FAT1: variants seen among roughly 807,000 people sequenced by gnomAD.
FAT1 encodes FAT atypical cadherin 1, also known as protocadherin Fat 1.
A neutral mutation model predicts 329.8 loss-of-function variants in FAT1; 171 were observed. The ratio of observed to expected loss-of-function variants is 0.52; its 90% CI spans 0.46 to 0.59. The LOEUF (loss-of-function observed/expected upper bound fraction) is 0.59, where lower values mean the gene tolerates loss of function less well. Ranked by LOEUF, FAT1 falls within the 20% of genes least tolerant of loss-of-function variation. The probability of loss-of-function intolerance (pLI) is 0.00; values close to 1 mark genes in which losing one functional copy is unlikely to be tolerated. For synonymous variants in FAT1, 2,233 were observed against 2,228.6 expected, an observed-to-expected ratio of 1.00 and a Z score of -0.06; for missense variants, 5,672 against 5,774.4, an observed-to-expected ratio of 0.98 and a Z score of 0.57.
At chr4:186,699,583 A>G (rs1744202844) in intron 2 of FAT1, among the ~76,000 whole-genome samples, 1 of 152,206 alleles carries the variant, frequency 6.6e-6, no homozygotes, top group African/African-American at 2.4e-5. Context: ...TTGAACGGCA[A>G]TCTTTCCAAG....
chr4:186,630,267 T>C (rs1740524558), intron 7 of FAT1, among the ~76,000 whole-genome samples: 1 of 152,186 alleles, frequency 6.6e-6, no homozygotes, highest in African/African-American at 2.4e-5. Context: ...CTTAAGGAGA[T>C]AATGCTTTCT....
At chr4:186,633,577 T>C (rs1161443110) in intron 7 of FAT1, 107 bp downstream of exon 7, 1 of 1,177,892 alleles carries the variant, frequency 8.5e-7, no homozygotes, top group African/African-American at 1.5e-5. Flanking sequence ...CTTCTGATTT[T>C]AGACCCTCAC....
chr4:186,688,662 C>CA (rs1407601234), intron 2 of FAT1, among the ~76,000 whole-genome samples: 16,391 of 130,504 alleles, frequency 0.13, 1,003 homozygotes, highest in African/African-American at 0.19. Context: ...CGCCCCCCCC[C>CA]AAAAAAACAC....
chr4:186,686,297 A>G (rs1355910848), intron 2 of FAT1, among the ~76,000 whole-genome samples: 2 of 143,400 alleles, frequency 1.4e-5, no homozygotes, highest in Non-Finnish European at 3.0e-5. Flanking sequence ...TTCTTCCTCC[A>G]CATTCATCAT....
chr4:186,669,054 C>T lies in FAT1; in HGVS notation c.3266-5441G>A, dbSNP rs1239603790. On this transcript the variant is annotated intron_variant, in intron 2 of 26. Coordinates refer to ENST00000441802, the MANE Select transcript of FAT1 (RefSeq NM_005245.4). ...GTATCTTTCTATTTACACATATTCA[C>T]GACCTCACCTTTTTGGGCACCTATG... is the stretch of plus-strand genomic sequence containing the variant. Among the ~76,000 whole-genome samples, 6 of 152,182 alleles carry T rather than the reference C, an allele frequency of 3.9e-5. No individual in the cohort carries two copies. The East Asian group carries it at 9.6e-4, about 24-fold the overall frequency.
intron 16 of FAT1, among the ~76,000 whole-genome samples, 168 bp downstream of exon 16, chr4:186,609,015 A>T (rs1010786953): frequency 1.3e-5 from 2 of 152,170 alleles, no homozygotes; most frequent in Non-Finnish European, 2.9e-5. Flanking sequence ...CACATTTCTC[A>T]CATTGAGATC....
At position 186,618,775 on chromosome 4, in the gene FAT1, T is replaced by G; in HGVS notation, c.7811A>C (p.Asn2604Thr). 6.2e-7 allele frequency: 1 copy of G among 1,614,048 alleles called. No individual in the cohort carries two copies. Among genetic ancestry groups the G allele is most frequent in the Non-Finnish European group, 8.5e-7 (1 of 1,179,896 alleles). ...CCCTTTAGCAGCACTGGACCCGATA[T>G]TCACTTCGTATTTGGTTGCTCGAAA... ...PQFRATKYEV[N>T]IGSSAAKGTS... The change falls in exon 10 of 27, where the codon AAT becomes ACT. Residue 2604 changes from asparagine to threonine, a missense_variant. By Grantham distance (65) the Asn-to-Thr change is moderately conservative (BLOSUM62 0). This residue lies in a region of FAT1 where 3,966 missense variants were observed against 3,915.2 expected (regional missense o/e 1.01). Coordinates refer to ENST00000441802, the MANE Select transcript of FAT1 (RefSeq NM_005245.4).
At position 186,620,194 on chromosome 4, in the gene FAT1, G is replaced by C. The variant is rs776187573; in HGVS notation, c.6392C>G (p.Pro2131Arg). Reference sequence around the variant, plus strand: ...CTTTTTCAGTGAAATTTCACCCAAGGGTCCAATTTGAAAGTGTTCATGATG... The same window carrying C: ...CTTTTTCAGTGAAATTTCACCCAAGCGTCCAATTTGAAAGTGTTCATGATG... ...KEHHEHFQIGPLGEISLKKQF... is the reference protein window; with the variant it reads ...KEHHEHFQIGRLGEISLKKQF... Residue 2131 changes from proline (P) to arginine (R), a missense_variant, in exon 10 of 27, where the codon CCC becomes CGC. By Grantham distance (103) the Pro-to-Arg change is moderately radical (BLOSUM62 -2). This residue lies in a region of FAT1 where 3,966 missense variants were observed against 3,915.2 expected (regional missense o/e 1.01). Coordinates refer to ENST00000441802, the MANE Select transcript of FAT1 (RefSeq NM_005245.4). 6.2e-7 allele frequency: 1 copy of C among 1,613,766 alleles called. No individual in the cohort carries two copies.
chr4:186,593,863 T>C (rs1411865024), intron 26 of FAT1, among the ~76,000 whole-genome samples: 1 of 152,088 alleles, frequency 6.6e-6, no homozygotes, highest in Non-Finnish European at 1.5e-5. Context: ...GCCACAAAGT[T>C]TGTGGTAATC....
rs2126392774 is a variant in FAT1, at chr4:186,596,974, A to G, written c.12566T>C (p.Val4189Ala). 6.2e-7 allele frequency: 1 copy of G among 1,614,022 alleles called. No homozygotes were observed. The highest frequency in any genetic ancestry group is 8.5e-7 in the Non-Finnish European group (1 of 1,179,882). ...LAEGIGIVVF[V>A]AGIFLLVVVF... ...CACCACCAGTAAAAATATCCCTGCA[A>G]CAAACACAACGATTCCAATTCCTTC... is the stretch of plus-strand genomic sequence containing the variant. Residue 4189 changes from valine (V) to alanine (A), a missense_variant, in exon 25 of 27, where the codon GTT (valine) becomes GCT (alanine). Transcript: ENST00000441802. This position sits in a 1 kb window ranked among gnomAD's most constrained non-coding sequence, Gnocchi z 4.7.
chr4:186,636,330 C>T, intron 5 of FAT1, 95 bp from the exon 6 acceptor site: 1 of 1,160,440 alleles, frequency 8.6e-7, no homozygotes, highest in Non-Finnish European at 1.3e-6. Context: ...TTAAACTGAG[C>T]CAATTTCAAA....
At chr4:186,616,866 C>T (rs112178484) in intron 11 of FAT1, 139 bp downstream of exon 11, 41 of 687,750 alleles carry the variant, frequency 6.0e-5, no homozygotes, top group African/African-American at 4.5e-4. Context: ...CAAGTCTTAC[C>T]CCATTTAACA....
chr4:186,588,395 C>T lies in FAT1; in HGVS notation c.*197G>A, dbSNP rs1278354928. 59 of 600,712 alleles carry T rather than the reference C, an allele frequency of 9.8e-5. No homozygotes were observed. The East Asian group carries it at 1.4e-3, about 15-fold the overall frequency. The allele number at this position is 600,712 out of a possible 1,614,324, so 37.2% of individuals were successfully genotyped here. Reference sequence around the variant, plus strand: ...TCCCAAAAGACGTTGGGAAATGGCACAGCCGATGAAAACCTCACGATGACA... The same window carrying T: ...TCCCAAAAGACGTTGGGAAATGGCATAGCCGATGAAAACCTCACGATGACA... On this transcript the variant is annotated 3_prime_UTR_variant, in exon 27 of 27. Transcript: ENST00000441802.
intron 2 of FAT1, among the ~76,000 whole-genome samples, chr4:186,700,218 T>C (rs1744238734): frequency 6.6e-6 from 1 of 152,194 alleles, no homozygotes; most frequent in African/African-American, 2.4e-5. Flanking sequence ...CTAACCACCA[T>C]CTTAAACATG....
At chr4:186,665,380 C>T (rs965466871) in intron 2 of FAT1, among the ~76,000 whole-genome samples, 1 of 152,142 alleles carries the variant, frequency 6.6e-6, no homozygotes, top group East Asian at 1.9e-4. Flanking sequence ...TTTTAATGAT[C>T]ACCATTCTAA....
In FAT1 at chr4:186,693,389, A is replaced by G. The variant is rs116619698; in HGVS notation, c.3265+13174T>C. Among the ~76,000 whole-genome samples, 8 of 104,378 alleles carry G rather than the reference A, an allele frequency of 7.7e-5. 1 individual carries two copies. Among genetic ancestry groups the G allele is most frequent in the Non-Finnish European group, 1.4e-4 (7 of 51,550 alleles). The allele number at this position is 104,378 out of a possible 152,430, so 68.5% of individuals were successfully genotyped here. ...TGGCTGGATGAACGAACTGTGTCAC[A>G]GCACGTGGGAGATGACAGTGGAGGA... is the stretch of plus-strand genomic sequence containing the variant. On this transcript the variant is annotated intron_variant, in intron 2 of 26. Transcript: ENST00000441802.
chr4:186,609,584 T>A (rs549845285), intron 15 of FAT1, among the ~76,000 whole-genome samples: 59 of 151,610 alleles, frequency 3.9e-4, no homozygotes, highest in Non-Finnish European at 6.5e-4. Context: ...GCCTGGCTAA[T>A]TTTTTTTTGT....
rs757598343 is a variant in FAT1 at position 186,620,993 on chromosome 4, C to T, written c.5593G>A (p.Val1865Ile). The T allele has an allele frequency of 6.2e-7, 1 of 1,612,998 alleles. No homozygotes were observed. The highest frequency in any genetic ancestry group is 8.5e-7 in the Non-Finnish European group (1 of 1,179,884). Residue 1865 changes from valine to isoleucine, a missense_variant, in exon 10 of 27, where the codon GTA (valine) becomes ATA (isoleucine). Physicochemically the swap from Val to Ile is conservative, Grantham distance 29. This residue lies in a region of FAT1 where 3,966 missense variants were observed against 3,915.2 expected (regional missense o/e 1.01). Coordinates refer to ENST00000441802, the MANE Select transcript of FAT1 (RefSeq NM_005245.4). ...PRLFAEYAAN[V>I]TVHVIDINDC... ...TTAATGTCAATTACATGTACTGTTA[C>T]ATTCGCTGCATACTCAGCAAATAAA...
chr4:186,670,132 C>A (rs564365768), intron 2 of FAT1, among the ~76,000 whole-genome samples: 1 of 152,250 alleles, frequency 6.6e-6, no homozygotes, highest in Non-Finnish European at 1.5e-5. Context: ...AGGTCTTGGC[C>A]CCCAATCAAG....
Sources: allele counts gnomAD v4.1 joint callset (sites outside exome capture counted in the v4.1 genomes callset), GRCh38; gene constraint gnomAD v4.1.1; regional missense constraint gnomAD v4.1.1; non-coding constraint Gnocchi (gnomAD v3.1); transcripts MANE v1.5; gene names NCBI Gene and HGNC (gene_info 2026-07-23, HGNC 2026-07-21).